Variants in CEP57L1 observed in about 807,000 individuals in gnomAD.
CEP57L1 encodes centrosomal protein 57 like 1.
In CEP57L1, 37 loss-of-function variants were observed where a neutral mutation model predicts 61.0. The ratio of observed to expected loss-of-function variants is 0.61; its 90% CI spans 0.47 to 0.80. CEP57L1 has a LOEUF of 0.80. Among genes scored for constraint, CEP57L1 ranks in the 30% least tolerant of loss-of-function variants. CEP57L1 has a pLI of 0.00. For synonymous variants in CEP57L1, 137 were observed against 162.3 expected, an observed-to-expected ratio of 0.84 and a Z score of 1.19; for missense variants, 422 against 524.7, an observed-to-expected ratio of 0.80 and a Z score of 1.91.
Position 109,143,000 on chromosome 6 carries a change from T to G in CEP57L1, c.-3-2219T>G, listed in dbSNP as rs907677325. On this transcript the variant is annotated intron_variant, in intron 1 of 10. Transcript: ENST00000517392. The stretch of plus-strand genomic sequence containing the variant: ...CTCTCTCTCTCTCTCTCTCTCTCTC[T>G]CTCTCACTGAATACTACTAACTGAT... 4.9e-4 allele frequency among the ~76,000 whole-genome samples: 52 copies of G among 107,118 alleles called. No homozygotes were observed. In the East Asian group the frequency reaches 0.013, roughly 28 times the overall value. 70.3% of individuals were successfully genotyped at this position (107,118 alleles called of 152,430 possible).
chr6:109,116,708 TA>T (rs1772354178), intron 1 of CEP57L1, among the ~76,000 whole-genome samples: 1 of 152,174 alleles, frequency 6.6e-6, no homozygotes, highest in Non-Finnish European at 1.5e-5. Context: ...TTCTAAGTTC[TA>T]AAAATCTCCA....
chr6:109,100,484 G>A lies in CEP57L1; in HGVS notation c.-4+4909G>A, dbSNP rs147628274. On this transcript the variant is annotated intron_variant, in intron 1 of 10. Transcript: ENST00000517392. The stretch of plus-strand genomic sequence containing the variant: ...GAGGTCAGGAGTTTGAGACCAGCTC[G>A]GCCAAGATGGTGAAACCCCGTCTCT... 8.3e-3 allele frequency among the ~76,000 whole-genome samples: 1,267 copies of A among 151,928 alleles called. 23 individuals are homozygous for A. Among genetic ancestry groups the A allele is most frequent in the African/African-American group, 0.029 (1,213 of 41,416 alleles).
intron 1 of CEP57L1, among the ~76,000 whole-genome samples, chr6:109,137,462 C>T (rs1770874906): frequency 6.6e-6 from 1 of 152,022 alleles, no homozygotes; most frequent in Non-Finnish European, 1.5e-5. Flanking sequence ...CCACCACACC[C>T]AGCTAATTTT....
chr6:109,102,166 C>A (rs1255975544), intron 1 of CEP57L1, among the ~76,000 whole-genome samples: 1 of 152,026 alleles, frequency 6.6e-6, no homozygotes, highest in African/African-American at 2.4e-5. Flanking sequence ...CTTTTCAGAT[C>A]TTTTGTCCAT....
intron 1 of CEP57L1, among the ~76,000 whole-genome samples, chr6:109,123,391 G>T (rs1406314155): frequency 6.6e-6 from 1 of 152,128 alleles, no homozygotes; most frequent in Non-Finnish European, 1.5e-5. Context: ...ATAGCTGCAT[G>T]ACCCTGGGCA....
In CEP57L1 at chr6:109,170,183, C is replaced by T. The variant is rs897063819; in HGVS notation, c.*7213C>T. Among the ~76,000 whole-genome samples the T allele has an allele frequency of 3.9e-5, 6 of 152,090 alleles. No homozygotes were observed. The highest frequency in any genetic ancestry group is 1.4e-4 in the African/African-American group (6 of 41,432). ...ATAATCCCATTGTAATGGGATTCTA[C>T]CCACTTGTAGAAGTTTATTCACCAC... On this transcript the variant is annotated 3_prime_UTR_variant, in exon 11 of 11. Coordinates refer to ENST00000517392, the MANE Select transcript of CEP57L1 (RefSeq NM_001271852.3).
chr6:109,168,172 G>C lies in CEP57L1; in HGVS notation c.*5202G>C, dbSNP rs1046197253. Among the ~76,000 whole-genome samples the C allele has an allele frequency of 5.3e-5, 8 of 152,100 alleles. No individual in the cohort carries two copies. The highest frequency in any genetic ancestry group is 1.0e-4 in the Non-Finnish European group (7 of 68,024). On this transcript the variant is annotated 3_prime_UTR_variant, in exon 11 of 11. Transcript: ENST00000517392. ...CTTCACCTTTTTAAATTTTTTGCCT[G>C]GTAGCAGTATTGGTCTAGGATTTTC...
chr6:109,118,782 C>T (rs1282698123), intron 1 of CEP57L1, among the ~76,000 whole-genome samples: 4 of 152,144 alleles, frequency 2.6e-5, no homozygotes, highest in Non-Finnish European at 4.4e-5. Context: ...CTTCCTTTTA[C>T]CTTATATTGC....
At chr6:109,152,630 T>A (rs1353636584) in intron 4 of CEP57L1, among the ~76,000 whole-genome samples, 1 of 109,248 alleles carries the variant, frequency 9.2e-6, no homozygotes, top group Non-Finnish European at 1.8e-5. Flanking sequence ...CATATAGATG[T>A]GCGTGCGTGT....
chr6:109,100,672 C>CAA lies in CEP57L1; in HGVS notation c.-4+5116_-4+5117dup, dbSNP rs539993641. ...CCTGAGTGACAGAGTGAGATTGTCT[C>CAA]AAAAAAAAAAAAAAAAAAAAGAAGA... On this transcript the variant is annotated intron_variant, in intron 1 of 10. Transcript: ENST00000517392. Among the ~76,000 whole-genome samples, 490 of 73,794 alleles carry CAA rather than the reference C, an allele frequency of 6.6e-3. 12 individuals are homozygous for CAA. Among genetic ancestry groups the CAA allele is most frequent in the Middle Eastern group, 0.015 (2 of 136 alleles). 48.4% of individuals were successfully genotyped at this position (73,794 alleles called of 152,430 possible). A position where few individuals can be genotyped will look rare whatever the true frequency, so the allele number is the denominator to read the frequency against.
intron 4 of CEP57L1, 113 bp downstream of exon 4, chr6:109,150,352 T>G: frequency 3.2e-6 from 4 of 1,267,434 alleles, no homozygotes; most frequent in Non-Finnish European, 4.4e-6. Flanking sequence ...GAATGAGGTC[T>G]AACTTACGTG....
Position 109,158,058 on chromosome 6 carries a change from G to A in CEP57L1, c.745-967G>A, listed in dbSNP as rs146058217. On this transcript the variant is annotated intron_variant, in intron 7 of 10. Coordinates refer to ENST00000517392, the MANE Select transcript of CEP57L1 (RefSeq NM_001271852.3). ...AAGAATGTTATATAAATGGAATTAT[G>A]CAGTATGTAACTTTTTGTGGTTGGC... is the stretch of plus-strand genomic sequence containing the variant. 1,146 of 152,500 alleles carry A rather than the reference G, an allele frequency of 7.5e-3. 18 individuals are homozygous for A. Among genetic ancestry groups the A allele is most frequent in the African/African-American group, 0.026 (1,097 of 41,552 alleles). The allele number at this position is 152,500 out of a possible 1,614,324, so 9.4% of individuals were successfully genotyped here. A position where few individuals can be genotyped will look rare whatever the true frequency, so the allele number is the denominator to read the frequency against.
chr6:109,108,639 G>A (rs1016645657), intron 1 of CEP57L1, among the ~76,000 whole-genome samples: 1 of 152,048 alleles, frequency 6.6e-6, no homozygotes, highest in Non-Finnish European at 1.5e-5. Context: ...TAGAAAATAC[G>A]AGAGACAAAT....
intron 4 of CEP57L1, among the ~76,000 whole-genome samples, chr6:109,153,231 CTTTTTTTT>C (rs34538762): frequency 7.6e-5 from 6 of 78,998 alleles, no homozygotes; most frequent in African/African-American, 2.7e-4. Context: ...CTAATCTGCA[CTTTTTTTT>C]TTTTTTTTTT....
rs1354742332 is a variant in CEP57L1 at position 109,165,742 on chromosome 6, T to C, written c.*2772T>C. On this transcript the variant is annotated 3_prime_UTR_variant, in exon 11 of 11. Coordinates refer to ENST00000517392, the MANE Select transcript of CEP57L1 (RefSeq NM_001271852.3). ...TGTTGCTTCATCACAGCTACTGAAC[T>C]CACAGACTGCCTGCTTGCCAGAGCC... The C allele has an allele frequency of 6.6e-6, 1 of 152,212 alleles. No homozygotes were observed. The highest frequency in any genetic ancestry group is 1.5e-5 in the Non-Finnish European group (1 of 68,048). The allele number at this position is 152,212 out of a possible 1,614,324, so 9.4% of individuals were successfully genotyped here.
intron 1 of CEP57L1, among the ~76,000 whole-genome samples, chr6:109,103,476 C>T (rs1770565502): frequency 6.6e-6 from 1 of 152,076 alleles, no homozygotes; most frequent in Admixed American, 6.6e-5. Context: ...TCTTTTCAGC[C>T]CTTCAAAAAC....
intron 1 of CEP57L1, among the ~76,000 whole-genome samples, chr6:109,124,501 G>A (rs887895782): frequency 5.9e-5 from 9 of 152,178 alleles, no homozygotes; most frequent in African/African-American, 1.9e-4. Context: ...AACTAGGTAT[G>A]GACCTTGGAT....
intron 1 of CEP57L1, among the ~76,000 whole-genome samples, chr6:109,099,489 T>A (rs1782108830): frequency 6.6e-6 from 1 of 152,086 alleles, no homozygotes; most frequent in Non-Finnish European, 1.5e-5. Context: ...ATAAGAAACT[T>A]TTGGTGGAGT....
At position 109,173,049 on chromosome 6, in the gene CEP57L1, G is replaced by A. The variant is rs1750867812; in HGVS notation, c.*10079G>A. Among the ~76,000 whole-genome samples the A allele has an allele frequency of 6.6e-6, 1 of 152,156 alleles. No individual in the cohort carries two copies. Among genetic ancestry groups the A allele is most frequent in the African/African-American group, 2.4e-5 (1 of 41,448 alleles). On this transcript the variant is annotated 3_prime_UTR_variant, in exon 11 of 11. Coordinates refer to ENST00000517392, the MANE Select transcript of CEP57L1 (RefSeq NM_001271852.3). ...GTGTGGCATGGTGATGGTTACAAAAGTGATTTGTTAATTATTGCCTGGTAG... is the reference window on the plus strand; with the variant it reads ...GTGTGGCATGGTGATGGTTACAAAAATGATTTGTTAATTATTGCCTGGTAG...
Sources: allele counts gnomAD v4.1 joint callset (sites outside exome capture counted in the v4.1 genomes callset), GRCh38; gene constraint gnomAD v4.1.1; transcripts MANE v1.5; gene names NCBI Gene and HGNC (gene_info 2026-07-23, HGNC 2026-07-21).